The following SNRNP200 variants were observed in gnomAD, a reference collection of about 807,000 sequenced individuals.
SNRNP200 encodes U5 small nuclear ribonucleoprotein 200 kDa helicase.
Under a neutral mutation model 255.2 loss-of-function variants are expected in SNRNP200, and 66 were observed. The observed-to-expected ratio is 0.26, with a 90% CI of 0.21 to 0.32. The LOEUF (loss-of-function observed/expected upper bound fraction) is 0.32, where lower values mean the gene tolerates loss of function less well. Among genes scored for constraint, SNRNP200 ranks in the 10% least tolerant of loss-of-function variants. SNRNP200 has a pLI of 1.00. For missense variants in SNRNP200, 1,585 were observed against 2,749.8 expected (o/e 0.58, Z 9.47); for synonymous variants, 939 against 1,027.8 (o/e 0.91, Z 1.65).
At chr2:96,284,252 G>T in intron 31 of SNRNP200, 106 bp downstream of exon 31, 2 of 1,023,780 alleles carry the variant, frequency 2.0e-6, no homozygotes. Context: ...AGAATCCTCT[G>T]GGGAGAAGCC....
intron 22 of SNRNP200, 52 bp downstream of exon 22, chr2:96,289,175 C>G (rs923283865): frequency 6.8e-6 from 11 of 1,613,596 alleles, no homozygotes; most frequent in Non-Finnish European, 9.3e-6. Flanking sequence ...GGACACCATT[C>G]AGTGACTTGG....
In SNRNP200 at chr2:96,296,972, G is replaced by A. The variant is rs2063920962; in HGVS notation, c.1476C>T (p.Ala492=). ...GCAGCAGATTCTCATCCGTCTCAAG[G>A]GCAGCACGGTAGAGCTTACTCTGGA... The part of the protein sequence containing the change: ...NRIQSKLYRA[A]LETDENLLLC... The change falls in exon 12 of 45, where the codon GCC becomes GCT. Residue 492 remains alanine, a synonymous_variant. Coordinates refer to ENST00000323853, the MANE Select transcript of SNRNP200 (RefSeq NM_014014.5). 4.3e-6 allele frequency: 7 copies of A among 1,614,192 alleles called. No homozygotes were observed. The highest frequency in any genetic ancestry group is 5.9e-6 in the Non-Finnish European group (7 of 1,180,026).
At chr2:96,294,391 T>C (rs1178346652) in intron 14 of SNRNP200, among the ~76,000 whole-genome samples, 4 of 151,758 alleles carry the variant, frequency 2.6e-5, no homozygotes, top group South Asian at 2.1e-4. Flanking sequence ...TGAGCTGAGA[T>C]TGCATCATCG....
intron 21 of SNRNP200, 86 bp from the exon 22 acceptor site, chr2:96,289,465 T>A (rs1023902127): frequency 7.4e-5 from 106 of 1,436,732 alleles, no homozygotes; most frequent in Non-Finnish European, 9.5e-5. Flanking sequence ...GTCCTATAGG[T>A]TTTTTGTACT....
rs1398548972 is a variant in SNRNP200 at position 96,297,444 on chromosome 2, A to G, written c.1296T>C (p.Asp432=). Residue 432 remains aspartate (D), a synonymous_variant, in exon 11 of 45, where the codon GAT becomes GAC. Transcript: ENST00000323853. Reference sequence around the variant, plus strand: ...CCTTACGCTGGCGACGGAAGGATCCATCAGGAAGCTGACAGCGTTTATTGG... The same window carrying G: ...CCTTACGCTGGCGACGGAAGGATCCGTCAGGAAGCTGACAGCGTTTATTGG... ...FMANKRCQLP[D]GSFRRQRKGY... 1.9e-6 allele frequency: 3 copies of G among 1,614,112 alleles called. No homozygotes were observed. Among genetic ancestry groups the G allele is most frequent in the East Asian group, 4.5e-5 (2 of 44,896 alleles).
At chr2:96,285,132 G>C in intron 30 of SNRNP200, 48 bp downstream of exon 30, 1 of 1,604,004 alleles carries the variant, frequency 6.2e-7, no homozygotes, top group Non-Finnish European at 8.5e-7. Flanking sequence ...CGGAATCACA[G>C]ATGAAATGCT....
Position 96,290,868 on chromosome 2 carries a change from A to C in SNRNP200, c.2422-53T>G. ...AGAACAGATGCCATCACCAGGGGTT[A>C]ATATCCCTGGCTTCTCTAGGCAGTT... On this transcript the variant is annotated intron_variant, in intron 18 of 44. Transcript: ENST00000323853. This position sits in a 1 kb window ranked among gnomAD's most constrained non-coding sequence, Gnocchi z 4.5. 1 of 1,611,006 alleles carries C rather than the reference A, an allele frequency of 6.2e-7. No homozygotes were observed. The highest frequency in any genetic ancestry group is 8.5e-7 in the Non-Finnish European group (1 of 1,177,800).
rs2063911985 is a variant in SNRNP200, at chr2:96,295,597, T to G, written c.1733A>C (p.Glu578Ala). Reference sequence around the variant, plus strand: ...GATGATCTGAGTGGCACTGATCTCTTCTTTGCACAGCTGGTGGTCCCCAGT... The same window carrying G: ...GATGATCTGAGTGGCACTGATCTCTGCTTTGCACAGCTGGTGGTCCCCAGT... ...ELTGDHQLCK[E>A]EISATQIIVC... is the part of the protein sequence containing the mutation. Residue 578 changes from glutamate to alanine, a missense_variant, in exon 14 of 45, where the codon GAA (glutamate) becomes GCA (alanine). Glu to Ala is a moderately radical substitution (Grantham distance 107). Coordinates refer to ENST00000323853, the MANE Select transcript of SNRNP200 (RefSeq NM_014014.5). The G allele has an allele frequency of 6.2e-7, 1 of 1,614,018 alleles. No individual in the cohort carries two copies. Among genetic ancestry groups the G allele is most frequent in the African/African-American group, 1.3e-5 (1 of 75,006 alleles).
chr2:96,282,479 A>T, intron 34 of SNRNP200: 1 of 176,986 alleles, frequency 5.7e-6, no homozygotes, highest in Non-Finnish European at 1.2e-5. Flanking sequence ...TAATCTCTAA[A>T]GTCTAACTAT....
chr2:96,296,948 C>G lies in SNRNP200; in HGVS notation c.1500G>C (p.Leu500=), dbSNP rs2063920834. ...RAALETDENL[L]LCAPTGAGKT... ...TGGCGCTTACAGTAGGAGCACACAGCAGCAGATTCTCATCCGTCTCAAGGG... is the reference window on the plus strand; with the variant it reads ...TGGCGCTTACAGTAGGAGCACACAGGAGCAGATTCTCATCCGTCTCAAGGG... Residue 500 remains leucine (L), a synonymous_variant, in exon 12 of 45, where the codon CTG becomes CTC. Coordinates refer to ENST00000323853, the MANE Select transcript of SNRNP200 (RefSeq NM_014014.5). 1.9e-6 allele frequency: 3 copies of G among 1,614,234 alleles called. No individual in the cohort carries two copies. The highest frequency in any genetic ancestry group is 2.5e-6 in the Non-Finnish European group (3 of 1,180,052).
Position 96,291,886 on chromosome 2 carries a change from G to A in SNRNP200, c.2175C>T (p.Val725=). The A allele has an allele frequency of 6.2e-7, 1 of 1,614,070 alleles. No homozygotes were observed. The highest frequency in any genetic ancestry group is 8.5e-7 in the Non-Finnish European group (1 of 1,180,034). ...HAGKNQVLVF[V]HSRKETGKTA... The stretch of plus-strand genomic sequence containing the variant: ...TCTTTCCAGTCTCCTTCCGGGAGTG[G>A]ACAAACACCAGCACCTAAGGAGAAG... The change falls in exon 17 of 45, where the codon GTC becomes GTT. Residue 725 remains valine, a synonymous_variant. Coordinates refer to ENST00000323853, the MANE Select transcript of SNRNP200 (RefSeq NM_014014.5). The surrounding 1 kb of genome is among the most constrained non-coding windows in gnomAD (Gnocchi z 4.2).
At chr2:96,289,670 T>A (rs1161025993) in intron 21 of SNRNP200, 129 bp downstream of exon 21, 1 of 869,616 alleles carries the variant, frequency 1.1e-6, no homozygotes, top group East Asian at 2.5e-5. Context: ...AGCTACCCAT[T>A]TTTCTGCTGT....
intron 16 of SNRNP200, 101 bp from the exon 17 acceptor site, chr2:96,292,001 G>A (rs1323286761): frequency 2.0e-5 from 27 of 1,329,052 alleles, no homozygotes; most frequent in Non-Finnish European, 2.9e-5. Context: ...AGAAGCCAAG[G>A]TCCTGGAGAG....
At chr2:96,304,360 A>G (rs2063973965) in intron 2 of SNRNP200, among the ~76,000 whole-genome samples, 1 of 152,232 alleles carries the variant, frequency 6.6e-6, no homozygotes. Flanking sequence ...GGACAAGAGT[A>G]AATGGAAAAA....
At chr2:96,276,273 G>GT (rs1164081846) in intron 43 of SNRNP200, among the ~76,000 whole-genome samples, 5 of 152,168 alleles carry the variant, frequency 3.3e-5, no homozygotes, top group Non-Finnish European at 7.4e-5. Context: ...CAGAAGCACA[G>GT]TAAGTGGCAG....
rs764264174 is a variant in SNRNP200, at chr2:96,298,609, T to C, written c.976A>G (p.Met326Val). 13 of 1,613,996 alleles carry C rather than the reference T, an allele frequency of 8.1e-6. No homozygotes were observed. Among genetic ancestry groups the C allele is most frequent in the South Asian group, 1.1e-5 (1 of 91,084 alleles). The change falls in exon 8 of 45, where the codon ATG becomes GTG. Residue 326 changes from methionine to valine, a missense_variant. Met to Val is a conservative substitution (Grantham distance 21). This residue lies in a region of SNRNP200 where 383 missense variants were observed against 645.3 expected (regional missense o/e 0.59). Transcript: ENST00000323853. ...DFIKVLRQHR[M>V]MILYCTLLAS... ...GACCCCACCATATACTCACTCATCA[T>C]CCTGTGCTGCCGCAACACTTTAATG...
Position 96,293,297 on chromosome 2 carries a change from G to C in SNRNP200, c.2036+19C>G, listed in dbSNP as rs1448693514. On this transcript the variant is annotated intron_variant, in intron 15 of 44. Coordinates refer to ENST00000323853, the MANE Select transcript of SNRNP200 (RefSeq NM_014014.5). Reference sequence around the variant, plus strand: ...AGGATGGTCACCTTGGCAGAACTTTGCCCAGTCTTTCCTGATACCTGTTGT... The same window carrying C: ...AGGATGGTCACCTTGGCAGAACTTTCCCCAGTCTTTCCTGATACCTGTTGT... The C allele has an allele frequency of 1.2e-6, 2 of 1,611,490 alleles. No individual in the cohort carries two copies. The highest frequency in any genetic ancestry group is 2.2e-5 in the South Asian group (2 of 91,030).
chr2:96,278,568 A>G lies in SNRNP200; in HGVS notation c.5467T>C (p.Tyr1823His), dbSNP rs769995359. Residue 1823 changes from tyrosine to histidine, a missense_variant, in exon 38 of 45, where the codon TAC (tyrosine) becomes CAC (histidine). Around this residue, in one of 9 missense-constraint regions of SNRNP200, gnomAD observed 279 missense variants for 551.2 expected, o/e 0.51. Transcript: ENST00000323853. The surrounding 1 kb of genome is among the most constrained non-coding windows in gnomAD (Gnocchi z 6.9). ...LNLGMIAAYY[Y>H]INYTTIELFS... ...TCACCAATGGTGGTGTAGTTGATGT[A>G]ATAGTAGGCGGCGATCATGCCTAGG... 1 of 1,613,952 alleles carries G rather than the reference A, an allele frequency of 6.2e-7. No individual in the cohort carries two copies. Among genetic ancestry groups the G allele is most frequent in the Non-Finnish European group, 8.5e-7 (1 of 1,180,032 alleles).
chr2:96,285,175 C>G lies in SNRNP200; in HGVS notation c.4164+5G>C. ...AAATTCACATGACACAGCGCCACGT[C>G]ATACCTGCTCTGCCAGGGCCTCCAT... On this transcript the variant is annotated splice_donor_5th_base_variant and intron_variant, in intron 30 of 44. Transcript: ENST00000323853. 6.2e-7 allele frequency: 1 copy of G among 1,614,042 alleles called. No individual in the cohort carries two copies. Among genetic ancestry groups the G allele is most frequent in the Non-Finnish European group, 8.5e-7 (1 of 1,180,008 alleles).
Sources: gnomAD v4.1 joint callset for allele counts (sites outside exome capture counted in the v4.1 genomes callset) on GRCh38, gnomAD v4.1.1 for gene constraint, gnomAD v4.1.1 regional missense constraint, Gnocchi (gnomAD v3.1) non-coding constraint, MANE v1.5 for transcripts, NCBI Gene and HGNC (gene_info 2026-07-23, HGNC 2026-07-21) for gene names.